Variants in RAB30 observed in about 807,000 individuals in gnomAD.
The protein encoded by RAB30 is ras-related protein Rab-30.
Under a neutral mutation model 25.1 loss-of-function variants are expected in RAB30, and 9 were observed. The ratio of observed to expected loss-of-function variants is 0.36; its 90% CI spans 0.22 to 0.63. The LOEUF (loss-of-function observed/expected upper bound fraction) is 0.63. RAB30 is among the 20% of genes least tolerant of loss of function. The pLI, the probability that RAB30 is intolerant of heterozygous loss-of-function variation, is 0.69. For missense variants in RAB30, 140 were observed against 243.5 expected (o/e 0.58, Z 2.83); for synonymous variants, 77 against 86.4 (o/e 0.89, Z 0.60).
At chr11:83,000,521 G>A (rs1857053905) in intron 1 of RAB30, among the ~76,000 whole-genome samples, 1 of 152,178 alleles carries the variant, frequency 6.6e-6, no homozygotes. Flanking sequence ...GAGGCTCTGT[G>A]GACCACAACT....
At chr11:83,014,693 A>AGAAAGAAAGAAG (rs1491123798) in intron 1 of RAB30, among the ~76,000 whole-genome samples, 71 of 143,974 alleles carry the variant, frequency 4.9e-4, no homozygotes, top group African/African-American at 1.8e-3. Flanking sequence ...AAAGAAAGAA[A>AGAAAGAAAGAAG]GAGAAAGGAA....
At chr11:83,007,087 G>A (rs1413660225) in intron 1 of RAB30, among the ~76,000 whole-genome samples, 1 of 152,242 alleles carries the variant, frequency 6.6e-6, no homozygotes. Flanking sequence ...ACAGAAATGA[G>A]ATTTGAAACC....
intron 1 of RAB30, among the ~76,000 whole-genome samples, chr11:83,033,755 T>C (rs57708945): frequency 0.15 from 22,952 of 151,912 alleles, 1,829 homozygotes; most frequent in Middle Eastern, 0.23. Flanking sequence ...CAATAATAAA[T>C]AAATAAAAAT....
chr11:83,054,121 C>T (rs750053326), intron 1 of RAB30, among the ~76,000 whole-genome samples: 2 of 152,064 alleles, frequency 1.3e-5, no homozygotes, highest in Admixed American at 1.3e-4. Flanking sequence ...TGCTTATGAC[C>T]ATAGGGACAA....
In RAB30 at chr11:82,976,751, A is replaced by G. The variant is rs904842897; in HGVS notation, c.*5414T>C. The G allele has an allele frequency of 1.3e-5, 2 of 152,148 alleles. No individual in the cohort carries two copies. The highest frequency in any genetic ancestry group is 4.8e-5 in the African/African-American group (2 of 41,438). The allele number at this position is 152,148 out of a possible 1,614,324, so 9.4% of individuals were successfully genotyped here. On this transcript the variant is annotated 3_prime_UTR_variant, in exon 5 of 5. Coordinates refer to ENST00000527633, the MANE Select transcript of RAB30 (RefSeq NM_001286060.2). ...AAAACAAAACCATAAAAAAAGACCA[A>G]TGAAGAGCCGTCTATCAGCCTTGCA...
intron 1 of RAB30, among the ~76,000 whole-genome samples, chr11:83,049,662 T>A (rs2121517754): frequency 6.6e-6 from 1 of 152,020 alleles, no homozygotes; most frequent in South Asian, 2.1e-4. Context: ...TTTTTTTAAT[T>A]CTTTGTAGAG....
chr11:83,047,787 T>C lies in RAB30; in HGVS notation c.-9+23904A>G, dbSNP rs1565288729. Among the ~76,000 whole-genome samples, 5 of 152,210 alleles carry C rather than the reference T, an allele frequency of 3.3e-5. No homozygotes were observed. In the East Asian group the frequency reaches 9.6e-4, roughly 29 times the overall value. On this transcript the variant is annotated intron_variant, in intron 1 of 4. Coordinates refer to ENST00000527633, the MANE Select transcript of RAB30 (RefSeq NM_001286060.2). ...TTCTTTCAGTCTTCCTCTTTTTGAT[T>C]GCTAACAATGAGTTCTGAAAAGGGC...
intron 1 of RAB30, among the ~76,000 whole-genome samples, chr11:83,046,652 C>A (rs755070205): frequency 8.6e-5 from 13 of 152,046 alleles, no homozygotes; most frequent in South Asian, 2.1e-4. Context: ...TACCACCATA[C>A]CCAGCTAATT....
At chr11:83,054,291 A>G (rs1432936673) in intron 1 of RAB30, among the ~76,000 whole-genome samples, 1 of 152,190 alleles carries the variant, frequency 6.6e-6, no homozygotes, top group Non-Finnish European at 1.5e-5. Flanking sequence ...TATGATAATC[A>G]TCTCTTTTAC....
chr11:83,056,594 C>A (rs1186298303), intron 1 of RAB30, among the ~76,000 whole-genome samples: 1 of 152,116 alleles, frequency 6.6e-6, no homozygotes, highest in Non-Finnish European at 1.5e-5. Flanking sequence ...ACTCAGCTTT[C>A]AAGATTATAA....
rs1590826170 is a variant in RAB30, at chr11:82,974,562, A to G, written c.*7603T>C. ...TTGGTTAGATTTTATATAACGCTGT[A>G]TACAAATAATACTGATATCCTATGC... is the stretch of plus-strand genomic sequence containing the variant. On this transcript the variant is annotated 3_prime_UTR_variant, in exon 5 of 5. Transcript: ENST00000527633. 6.6e-6 allele frequency: 1 copy of G among 152,322 alleles called. No homozygotes were observed. Among genetic ancestry groups the G allele is most frequent in the East Asian group, 1.9e-4 (1 of 5,194 alleles). 9.4% of individuals were successfully genotyped at this position (152,322 alleles called of 1,614,324 possible).
At position 83,061,475 on chromosome 11, in the gene RAB30, G is replaced by A. The variant is rs545072636; in HGVS notation, c.-9+10216C>T. On this transcript the variant is annotated intron_variant, in intron 1 of 4. Coordinates refer to ENST00000527633, the MANE Select transcript of RAB30 (RefSeq NM_001286060.2). ...ATGATTGTTTCCATGTAATGGTATT[G>A]TGATTACATGGGAGAATGTCCTTGT... 2.0e-5 allele frequency among the ~76,000 whole-genome samples: 3 copies of A among 152,260 alleles called. No individual in the cohort carries two copies. The East Asian group carries it at 5.8e-4, about 29-fold the overall frequency.
At chr11:83,064,839 A>T (rs1858659368) in intron 1 of RAB30, among the ~76,000 whole-genome samples, 1 of 152,204 alleles carries the variant, frequency 6.6e-6, no homozygotes, top group Non-Finnish European at 1.5e-5. Flanking sequence ...TCTAATATGT[A>T]GCTCCCATTC....
At chr11:83,049,549 T>C (rs1858312062) in intron 1 of RAB30, among the ~76,000 whole-genome samples, 1 of 151,304 alleles carries the variant, frequency 6.6e-6, no homozygotes, top group Non-Finnish European at 1.5e-5. Context: ...GGCGTGATCA[T>C]AGCTCACTAC....
chr11:83,037,823 G>A (rs1335848556), intron 1 of RAB30, among the ~76,000 whole-genome samples: 1 of 152,146 alleles, frequency 6.6e-6, no homozygotes, highest in Non-Finnish European at 1.5e-5. Flanking sequence ...AGTGTTTGGG[G>A]GTTATGATAG....
intron 1 of RAB30, among the ~76,000 whole-genome samples, chr11:83,001,314 TAC>T (rs897677006): frequency 6.6e-6 from 1 of 152,164 alleles, no homozygotes; most frequent in African/African-American, 2.4e-5. Context: ...TAGCTGGGAT[TAC>T]AGACACAAGC....
chr11:83,030,457 C>T (rs1857829720), intron 1 of RAB30, among the ~76,000 whole-genome samples: 1 of 151,886 alleles, frequency 6.6e-6, no homozygotes, highest in Non-Finnish European at 1.5e-5. Context: ...GTGTTCATGC[C>T]ACTGTACTCC....
At chr11:83,067,437 C>T (rs1263286406) in intron 1 of RAB30, among the ~76,000 whole-genome samples, 1 of 152,186 alleles carries the variant, frequency 6.6e-6, no homozygotes, top group Non-Finnish European at 1.5e-5. Context: ...GTCCAGAGCT[C>T]TCTTCTACTC....
chr11:82,993,895 A>G, intron 3 of RAB30, 144 bp downstream of exon 3: 2 of 612,454 alleles, frequency 3.3e-6, no homozygotes, highest in South Asian at 5.6e-5. Flanking sequence ...GACTAGAAGA[A>G]CTCTGGAAAT....
Sources: allele counts gnomAD v4.1 joint callset (sites outside exome capture counted in the v4.1 genomes callset), GRCh38; gene constraint gnomAD v4.1.1; transcripts MANE v1.5; gene names NCBI Gene and HGNC (gene_info 2026-07-23, HGNC 2026-07-21).